The following SLC2A13 variants were observed in gnomAD, a reference collection of about 807,000 sequenced individuals.
The protein encoded by SLC2A13 is solute carrier family 2 member 13, also known as proton myo-inositol cotransporter.
In SLC2A13, 32 loss-of-function variants were observed where a neutral mutation model predicts 64.4. The ratio of observed to expected loss-of-function variants is 0.50; its 90% CI spans 0.37 to 0.67. SLC2A13 has a LOEUF of 0.67. Among genes scored for constraint, SLC2A13 ranks in the 30% least tolerant of loss-of-function variants. The pLI is 0.00. For missense variants in SLC2A13, 743 were observed against 829.2 expected, an observed-to-expected ratio of 0.90 and a Z score of 1.28; for synonymous variants, 338 against 327.1, an observed-to-expected ratio of 1.03 and a Z score of -0.36.
chr12:39,871,736 G>T, intron 5 of SLC2A13, 62 bp downstream of exon 5: 2 of 1,474,646 alleles, frequency 1.4e-6, no homozygotes, highest in South Asian at 2.9e-5. Context: ...TATTTTTGAA[G>T]GTTAAACTTG....
At chr12:39,910,627 C>T (rs778286711) in intron 4 of SLC2A13, among the ~76,000 whole-genome samples, 6 of 152,046 alleles carry the variant, frequency 3.9e-5, no homozygotes, top group Admixed American at 2.0e-4. Context: ...AAGTGGACAG[C>T]TGCAGGACTC....
At chr12:39,790,183 T>C (rs1592140118) in intron 7 of SLC2A13, among the ~76,000 whole-genome samples, 1 of 150,574 alleles carries the variant, frequency 6.6e-6, no homozygotes, top group South Asian at 2.1e-4. Flanking sequence ...AATTTTTTAT[T>C]AGTATAGCCT....
chr12:39,934,162 A>AAAAGAATTC (rs2136076216), intron 4 of SLC2A13, among the ~76,000 whole-genome samples: 1 of 152,316 alleles, frequency 6.6e-6, no homozygotes, highest in South Asian at 2.1e-4. Flanking sequence ...CACAGCCTCA[A>AAAAGAATTC]AAAGAATTCT....
In SLC2A13 at chr12:40,105,450, T is replaced by G; in HGVS notation, c.359A>C (p.Gln120Pro). 6.4e-7 allele frequency: 1 copy of G among 1,558,354 alleles called. No homozygotes were observed. The highest frequency in any genetic ancestry group is 8.7e-7 in the Non-Finnish European group (1 of 1,151,774). ...KRQLSLDALW[Q>P]ELLVSSTVGA... ...CACCGTGCTGGACACCAGCAGCTCC[T>G]GCCACAGCGCGTCCAGACTGAGCTG... Residue 120 changes from glutamine (Q) to proline (P), a missense_variant, in exon 1 of 10, where the codon CAG becomes CCG. By Grantham distance (76) the Gln-to-Pro change is moderately conservative (BLOSUM62 -1). Around this residue, in one of 2 missense-constraint regions of SLC2A13, gnomAD observed 448 missense variants for 447.4 expected, o/e 1.00. Transcript: ENST00000280871. This position sits in a 1 kb window ranked among gnomAD's most constrained non-coding sequence, Gnocchi z 4.2.
At chr12:39,917,534 G>T (rs963918722) in intron 4 of SLC2A13, among the ~76,000 whole-genome samples, 2 of 152,016 alleles carry the variant, frequency 1.3e-5, no homozygotes, top group African/African-American at 4.8e-5. Context: ...CCTCCATGGT[G>T]GGCATCATCA....
intron 3 of SLC2A13, among the ~76,000 whole-genome samples, chr12:39,987,116 T>C (rs1947045704): frequency 6.6e-6 from 1 of 152,188 alleles, no homozygotes. Flanking sequence ...CCTAAGTTAA[T>C]CATAGCTCCA....
rs867381328 is a variant in SLC2A13, at chr12:39,797,742, A to G, written c.1445+32361T>C. On this transcript the variant is annotated intron_variant, in intron 7 of 9. Transcript: ENST00000280871. ...AGTTATGGTAAACACACACACACAC[A>G]CACACACACACACACACACACACAC... 9.5e-3 allele frequency among the ~76,000 whole-genome samples: 1,167 copies of G among 122,788 alleles called. 16 individuals are homozygous for G. The highest frequency in any genetic ancestry group is 0.034 in the African/African-American group (1,077 of 32,036). The allele number at this position is 122,788 out of a possible 152,430, so 80.6% of individuals were successfully genotyped here.
chr12:40,043,003 GGT>G (rs1461466730), intron 2 of SLC2A13, among the ~76,000 whole-genome samples: 5 of 150,124 alleles, frequency 3.3e-5, no homozygotes, highest in Non-Finnish European at 5.9e-5. Context: ...AGCAAGATAT[GGT>G]TGGTTTATAA....
At chr12:39,887,225 G>A (rs995717182) in intron 4 of SLC2A13, among the ~76,000 whole-genome samples, 1 of 152,164 alleles carries the variant, frequency 6.6e-6, no homozygotes, top group Non-Finnish European at 1.5e-5. Context: ...TGCTAAATAA[G>A]TTGTCACTAG....
chr12:39,917,381 G>A (rs1945538868), intron 4 of SLC2A13, among the ~76,000 whole-genome samples: 1 of 152,104 alleles, frequency 6.6e-6, no homozygotes, highest in South Asian at 2.1e-4. Context: ...AAGCAAAGGA[G>A]TCTCTGTAGG....
intron 3 of SLC2A13, among the ~76,000 whole-genome samples, chr12:39,963,791 C>T (rs1314930138): frequency 2.0e-5 from 3 of 152,138 alleles, no homozygotes; most frequent in Non-Finnish European, 4.4e-5. Flanking sequence ...ATTCTATTAG[C>T]ACATTCCCTT....
At chr12:39,893,060 C>T (rs1294723814) in intron 4 of SLC2A13, among the ~76,000 whole-genome samples, 1 of 152,054 alleles carries the variant, frequency 6.6e-6, no homozygotes. Context: ...AGAAGGAAAC[C>T]ATGATAATTT....
intron 1 of SLC2A13, among the ~76,000 whole-genome samples, chr12:40,094,158 A>G (rs565770449): frequency 1.3e-5 from 2 of 152,336 alleles, no homozygotes; most frequent in Admixed American, 1.3e-4. Context: ...AGTCAAGGAC[A>G]ACTCCAAGGC....
At chr12:40,089,520 A>G (rs1356993915) in intron 1 of SLC2A13, among the ~76,000 whole-genome samples, 1 of 152,186 alleles carries the variant, frequency 6.6e-6, no homozygotes, top group African/African-American at 2.4e-5. Context: ...AGAATTTTAG[A>G]ATCAAGCGGG....
chr12:40,000,332 T>G (rs199844173), intron 3 of SLC2A13, among the ~76,000 whole-genome samples: 3 of 71,264 alleles, frequency 4.2e-5, no homozygotes, highest in Non-Finnish European at 3.2e-5. Flanking sequence ...ACCCAAAAAC[T>G]TACAGGCTGT....
chr12:40,048,026 T>A (rs531646073), intron 2 of SLC2A13, 25 bp downstream of exon 2: 51 of 1,558,260 alleles, frequency 3.3e-5, no homozygotes, highest in Admixed American at 2.1e-4. Context: ...ATTTGAAAAA[T>A]TAAATGTAAA....
chr12:39,929,091 A>T (rs1945778092), intron 4 of SLC2A13, among the ~76,000 whole-genome samples: 1 of 152,186 alleles, frequency 6.6e-6, no homozygotes, highest in Admixed American at 6.5e-5. Flanking sequence ...AGGAGTGGCA[A>T]GAAAATGAAA....
chr12:39,927,611 T>C (rs1485206576), intron 4 of SLC2A13, among the ~76,000 whole-genome samples: 1 of 152,114 alleles, frequency 6.6e-6, no homozygotes, highest in Non-Finnish European at 1.5e-5. Context: ...CGAGAAAAAA[T>C]ATTTTATTTG....
intron 3 of SLC2A13, among the ~76,000 whole-genome samples, chr12:39,965,407 G>GT (rs1946491947): frequency 6.6e-6 from 1 of 152,068 alleles, no homozygotes; most frequent in African/African-American, 2.4e-5. Context: ...GTCTCCTCTT[G>GT]TTACATTTAG....
Sources: allele counts gnomAD v4.1 joint callset (sites outside exome capture counted in the v4.1 genomes callset), GRCh38; gene constraint gnomAD v4.1.1; regional missense constraint gnomAD v4.1.1; non-coding constraint Gnocchi (gnomAD v3.1); transcripts MANE v1.5; gene names NCBI Gene and HGNC (gene_info 2026-07-23, HGNC 2026-07-21).